Variants in DCUN1D4 observed in about 807,000 individuals in gnomAD.
DCUN1D4 encodes the protein DCN1-like protein 4.
DCUN1D4 carries 22 observed loss-of-function variants against 47.9 expected under a neutral mutation model. That is an observed-to-expected ratio of 0.46 (90% confidence interval 0.33 to 0.66). The LOEUF (loss-of-function observed/expected upper bound fraction) is 0.66, where lower values mean the gene tolerates loss of function less well. Ranked by LOEUF, DCUN1D4 falls within the 30% of genes least tolerant of loss-of-function variation. The pLI is 0.02. For synonymous variants in DCUN1D4, 121 were observed against 112.2 expected (o/e 1.08, Z -0.50); for missense variants, 301 against 340.8 (o/e 0.88, Z 0.92).
intron 5 of DCUN1D4, among the ~76,000 whole-genome samples, chr4:51,883,337 C>A (rs933095525): frequency 9.9e-5 from 15 of 151,222 alleles, no homozygotes; most frequent in Admixed American, 2.0e-4. Flanking sequence ...AGGCAAGTTT[C>A]TTTTTTTTTA....
At chr4:51,838,311 T>C (rs532535197), upstream of DCUN1D4, among the ~76,000 whole-genome samples, 2 of 152,298 alleles carry the variant, frequency 1.3e-5, no homozygotes, top group African/African-American at 4.8e-5. Flanking sequence ...TACTTTTCAT[T>C]ATATAGATCT....
At chr4:51,875,847 T>C (rs1727591214) in intron 4 of DCUN1D4, among the ~76,000 whole-genome samples, 2 of 152,238 alleles carry the variant, frequency 1.3e-5, no homozygotes, top group Admixed American at 6.5e-5. Context: ...TTCTTTTTTA[T>C]GTATTTTTGA....
At chr4:51,888,818 G>T (rs753975960) in intron 6 of DCUN1D4, among the ~76,000 whole-genome samples, 1 of 150,168 alleles carries the variant, frequency 6.7e-6, no homozygotes, top group Non-Finnish European at 1.5e-5. Context: ...TATTATCCAA[G>T]TATGTAGGCC....
At position 51,907,588 on chromosome 4, in the gene DCUN1D4, C is replaced by G. The variant is rs1352730845; in HGVS notation, c.616-3482C>G. On this transcript the variant is annotated intron_variant, in intron 8 of 10. Transcript: ENST00000334635. Reference sequence around the variant, plus strand: ...ATTTATGTTTGGAATTGTGATTTGCCTGTATATTATTTCTTGATTCCAGCT... The same window carrying G: ...ATTTATGTTTGGAATTGTGATTTGCGTGTATATTATTTCTTGATTCCAGCT... 2.6e-5 allele frequency among the ~76,000 whole-genome samples: 4 copies of G among 152,084 alleles called. No individual in the cohort carries two copies. The East Asian group carries it at 5.8e-4, about 22-fold the overall frequency.
At position 51,885,800 on chromosome 4, in the gene DCUN1D4, G is replaced by A. The variant is rs1729396856; in HGVS notation, c.344-768G>A. Among the ~76,000 whole-genome samples, 3 of 152,064 alleles carry A rather than the reference G, an allele frequency of 2.0e-5. No homozygotes were observed. In the South Asian group the frequency reaches 6.2e-4, roughly 32 times the overall value. On this transcript the variant is annotated intron_variant, in intron 5 of 10. Coordinates refer to ENST00000334635, the MANE Select transcript of DCUN1D4 (RefSeq NM_001040402.3). ...AAAGAAGCCAGAAGGGGAGAGGAAG[G>A]AGGAAAGCCAGATGAGAGAGGGTGC...
intron 5 of DCUN1D4, among the ~76,000 whole-genome samples, chr4:51,882,144 C>G (rs1194804849): frequency 6.6e-6 from 1 of 151,936 alleles, no homozygotes; most frequent in South Asian, 2.1e-4. Context: ...CTAAAACACA[C>G]AGACACATGT....
At position 51,899,354 on chromosome 4, in the gene DCUN1D4, C is replaced by T. The variant is rs767392393; in HGVS notation, c.591C>T (p.Tyr197=). 17 of 1,608,006 alleles carry T rather than the reference C, an allele frequency of 1.1e-5. No individual in the cohort carries two copies. The South Asian group carries it at 1.9e-4, about 18-fold the overall frequency. The change falls in exon 8 of 11, where the codon TAC becomes TAT. Residue 197 remains tyrosine, a synonymous_variant. Transcript: ENST00000334635. ...LNDSTNFKLI[Y]RYAFDFAREK... is the part of the protein sequence containing the mutation. ...ATTCTACAAACTTTAAACTTATTTACAGATATGCGTTTGACTTTGCACGGG... is the reference window on the plus strand; with the variant it reads ...ATTCTACAAACTTTAAACTTATTTATAGATATGCGTTTGACTTTGCACGGG...
chr4:51,877,647 A>C, intron 4 of DCUN1D4, 116 bp from the exon 5 acceptor site: 1 of 665,762 alleles, frequency 1.5e-6, no homozygotes, highest in East Asian at 2.6e-5. Context: ...CGTTTAAAAT[A>C]TACTTAAAAT....
chr4:51,837,389 C>T, the DCUN1D4 span, among the ~76,000 whole-genome samples: 1 of 152,132 alleles, frequency 6.6e-6, no homozygotes, highest in African/African-American at 2.4e-5. Context: ...AATCTTAGGC[C>T]GGGCGCGGTG....
intron 7 of DCUN1D4, 64 bp from the exon 8 acceptor site, chr4:51,899,206 G>T: frequency 2.0e-6 from 3 of 1,476,274 alleles, no homozygotes; most frequent in South Asian, 1.4e-5. Flanking sequence ...TTATATTACT[G>T]CCTCTATTAA....
chr4:51,875,226 C>CTGAA (rs1196282315), intron 4 of DCUN1D4: 1 of 152,154 alleles, frequency 6.6e-6, no homozygotes, highest in Non-Finnish European at 1.5e-5. Context: ...AAAATATTAT[C>CTGAA]TGAAAGAAGA....
chr4:51,902,644 A>G (rs1032959885), intron 8 of DCUN1D4, among the ~76,000 whole-genome samples: 4 of 152,086 alleles, frequency 2.6e-5, no homozygotes, highest in Non-Finnish European at 5.9e-5. Flanking sequence ...TTATGTTTAA[A>G]GTGGATTTCT....
upstream of DCUN1D4, among the ~76,000 whole-genome samples, chr4:51,840,130 T>A (rs982524245): frequency 6.6e-6 from 1 of 152,142 alleles, no homozygotes; most frequent in Non-Finnish European, 1.5e-5. Context: ...TCTCTACCCA[T>A]CACAGTCCCA....
chr4:51,888,380 C>G (rs575988540), intron 6 of DCUN1D4, among the ~76,000 whole-genome samples: 1 of 152,118 alleles, frequency 6.6e-6, no homozygotes, highest in South Asian at 2.1e-4. Context: ...TTTCCTCACC[C>G]CCAAATACCA....
rs145905035 is a variant in DCUN1D4, at chr4:51,877,166, A to G, written c.252-597A>G. ...GAAAAAGGCAGAAGCTAGTTTCTCT[A>G]TACTTCTGTCTCCTGAGGTTTCTAA... On this transcript the variant is annotated intron_variant, in intron 4 of 10. Coordinates refer to ENST00000334635, the MANE Select transcript of DCUN1D4 (RefSeq NM_001040402.3). Among the ~76,000 whole-genome samples the G allele has an allele frequency of 4.0e-3, 606 of 152,300 alleles. 4 individuals are homozygous for G. Among genetic ancestry groups the G allele is most frequent in the Non-Finnish European group, 5.7e-3 (389 of 68,018 alleles).
intron 5 of DCUN1D4, among the ~76,000 whole-genome samples, chr4:51,879,957 C>T (rs1419407753): frequency 6.6e-6 from 1 of 152,178 alleles, no homozygotes; most frequent in Non-Finnish European, 1.5e-5. Flanking sequence ...GATTAAGCTA[C>T]ATTATTTAGG....
At chr4:51,853,161 A>G (rs1577848895) in intron 1 of DCUN1D4, among the ~76,000 whole-genome samples, 1 of 152,162 alleles carries the variant, frequency 6.6e-6, no homozygotes. Context: ...TGGGCGATGG[A>G]TGGATGCTGC....
chr4:51,838,468 A>AC (rs928181924), upstream of DCUN1D4, among the ~76,000 whole-genome samples: 9 of 152,062 alleles, frequency 5.9e-5, 1 homozygote, highest in Admixed American at 5.2e-4. Flanking sequence ...TGCAGCCTCC[A>AC]CCCATAGGGC....
chr4:51,850,209 G>A (rs1723164463), intron 1 of DCUN1D4, among the ~76,000 whole-genome samples: 1 of 152,132 alleles, frequency 6.6e-6, no homozygotes, highest in African/African-American at 2.4e-5. Flanking sequence ...CGTTTTTACT[G>A]AACTATGAAA....
Sources: allele counts gnomAD v4.1 joint callset (sites outside exome capture counted in the v4.1 genomes callset), GRCh38; gene constraint gnomAD v4.1.1; transcripts MANE v1.5; gene names NCBI Gene and HGNC (gene_info 2026-07-23, HGNC 2026-07-21).